SPOCK1: variants seen among roughly 807,000 people sequenced by gnomAD.
SPOCK1 encodes the protein SPARC (osteonectin), cwcv and kazal like domains proteoglycan 1.
Under a neutral mutation model 55.3 loss-of-function variants are expected in SPOCK1, and 23 were observed. The observed-to-expected ratio is 0.42, with a 90% CI of 0.30 to 0.59. The LOEUF is 0.59. Ranked by LOEUF, SPOCK1 falls within the 20% of genes least tolerant of loss-of-function variation. The pLI is 0.22. For missense variants in SPOCK1, 499 were observed against 552.5 expected (o/e 0.90, Z 0.97); for synonymous variants, 226 against 221.0 (o/e 1.02, Z -0.20).
In SPOCK1 at chr5:137,233,713, C is replaced by CTTTTTTTTTTTTTTTTTT. The variant is rs56328555; in HGVS notation, c.232+33279_232+33296dup. 1.9e-4 allele frequency among the ~76,000 whole-genome samples: 11 copies of CTTTTTTTTTTTTTTTTTT among 58,410 alleles called. 1 individual carries two copies. The highest frequency in any genetic ancestry group is 1.2e-3 in the East Asian group (2 of 1,688). 38.3% of individuals were successfully genotyped at this position (58,410 alleles called of 152,430 possible). A position where few individuals can be genotyped will look rare whatever the true frequency, so the allele number is the denominator to read the frequency against. ...TTCATTGTTAGTATGAGGATATGCA[C>CTTTTTTTTTTTTTTTTTT]TTTTTTTTTTTTTTTTTTTTTTTTT... is the stretch of plus-strand genomic sequence containing the variant. On this transcript the variant is annotated intron_variant, in intron 3 of 10. Coordinates refer to ENST00000394945, the MANE Select transcript of SPOCK1 (RefSeq NM_004598.4).
intron 9 of SPOCK1, among the ~76,000 whole-genome samples, chr5:136,982,107 G>C (rs1355786127): frequency 6.6e-6 from 1 of 152,138 alleles, no homozygotes; most frequent in Non-Finnish European, 1.5e-5. Flanking sequence ...GTCTGTGTGA[G>C]TATACTCTAT....
At chr5:137,257,345 G>T (rs1008975463) in intron 3 of SPOCK1, among the ~76,000 whole-genome samples, 1 of 152,210 alleles carries the variant, frequency 6.6e-6, no homozygotes, top group African/African-American at 2.4e-5. Flanking sequence ...GGCATTAGAG[G>T]TAGGGCCTTT....
rs962936965 is a variant in SPOCK1, at chr5:136,978,516, G to A, written c.*138C>T. 1.0e-4 allele frequency: 79 copies of A among 773,742 alleles called. No homozygotes were observed. Among genetic ancestry groups the A allele is most frequent in the Non-Finnish European group, 1.4e-4 (71 of 516,072 alleles). 47.9% of individuals were successfully genotyped at this position (773,742 alleles called of 1,614,324 possible). A position where few individuals can be genotyped will look rare whatever the true frequency, so the allele number is the denominator to read the frequency against. Reference sequence around the variant, plus strand: ...CAGAATCCTCTGGGAACAAGCAGTTGTCTTCCAAACCTTAGGTCGGGTATA... The same window carrying A: ...CAGAATCCTCTGGGAACAAGCAGTTATCTTCCAAACCTTAGGTCGGGTATA... On this transcript the variant is annotated 3_prime_UTR_variant, in exon 11 of 11. Coordinates refer to ENST00000394945, the MANE Select transcript of SPOCK1 (RefSeq NM_004598.4).
intron 5 of SPOCK1, among the ~76,000 whole-genome samples, chr5:137,106,143 G>A (rs1314111638): frequency 2.0e-5 from 3 of 149,040 alleles, no homozygotes; most frequent in South Asian, 2.1e-4. Flanking sequence ...ACCAGAGCCA[G>A]GACCTGGAGC....
At chr5:137,099,908 C>T (rs527576273) in intron 5 of SPOCK1, among the ~76,000 whole-genome samples, 16 of 152,282 alleles carry the variant, frequency 1.1e-4, no homozygotes, top group African/African-American at 3.4e-4. Flanking sequence ...CTCCCCACCC[C>T]CCGGAGTCAT....
intron 2 of SPOCK1, among the ~76,000 whole-genome samples, chr5:137,440,183 T>C (rs1297806454): frequency 1.3e-5 from 2 of 151,668 alleles, no homozygotes; most frequent in Non-Finnish European, 2.9e-5. Context: ...TAAAAGAACA[T>C]CTGGAAAGAA....
Position 137,314,677 on chromosome 5 carries a change from T to C in SPOCK1, c.187-47622A>G, listed in dbSNP as rs146505756. The stretch of plus-strand genomic sequence containing the variant: ...ATTGTTTATCCACAGCTACAGTCCT[T>C]AGCTATCGGTTTACTGCCTGGCTCT... On this transcript the variant is annotated intron_variant, in intron 2 of 10. Coordinates refer to ENST00000394945, the MANE Select transcript of SPOCK1 (RefSeq NM_004598.4). Among the ~76,000 whole-genome samples the C allele has an allele frequency of 1.1e-3, 174 of 152,284 alleles. 4 individuals are homozygous for C. The Middle Eastern group carries it at 0.014, about 12-fold the overall frequency.
At chr5:137,419,727 T>G (rs1425416123) in intron 2 of SPOCK1, among the ~76,000 whole-genome samples, 2 of 152,326 alleles carry the variant, frequency 1.3e-5, no homozygotes, top group East Asian at 3.9e-4. Flanking sequence ...TTTCTAGATA[T>G]ACAATCATGT....
chr5:137,108,043 G>A (rs146800876), intron 5 of SPOCK1, among the ~76,000 whole-genome samples: 234 of 152,166 alleles, frequency 1.5e-3, no homozygotes, highest in African/African-American at 5.3e-3. Context: ...TCCTGACACC[G>A]ATGATCCAAA....
intron 3 of SPOCK1, among the ~76,000 whole-genome samples, chr5:137,177,198 G>T (rs760256937): frequency 8.5e-5 from 13 of 152,292 alleles, no homozygotes; most frequent in Non-Finnish European, 1.5e-4. Flanking sequence ...TTTTTTCTTA[G>T]TAGCTGCAGA....
chr5:137,032,931 T>C (rs1056560196), intron 6 of SPOCK1, among the ~76,000 whole-genome samples: 1 of 152,148 alleles, frequency 6.6e-6, no homozygotes, highest in Non-Finnish European at 1.5e-5. Flanking sequence ...AAGGGATTCT[T>C]CTGTTCCTGT....
At chr5:137,463,991 T>C (rs1287607349) in intron 2 of SPOCK1, among the ~76,000 whole-genome samples, 1 of 151,970 alleles carries the variant, frequency 6.6e-6, no homozygotes, top group Non-Finnish European at 1.5e-5. Flanking sequence ...GGATTGTTTG[T>C]AACACAAAGG....
At chr5:137,466,740 T>C (rs1490785208) in intron 2 of SPOCK1, among the ~76,000 whole-genome samples, 1 of 152,250 alleles carries the variant, frequency 6.6e-6, no homozygotes, top group African/African-American at 2.4e-5. Flanking sequence ...ATGAGCATCA[T>C]TTGTAGCTAA....
In SPOCK1 at chr5:137,432,560, C is replaced by G. The variant is rs1468679813; in HGVS notation, c.186+65813G>C. Reference sequence around the variant, plus strand: ...ACTTATGTGAGGCACCTAGAGTAGTCAAACTATTCACAGAGACAGCAAGTA... The same window carrying G: ...ACTTATGTGAGGCACCTAGAGTAGTGAAACTATTCACAGAGACAGCAAGTA... On this transcript the variant is annotated intron_variant, in intron 2 of 10. Transcript: ENST00000394945. Among the ~76,000 whole-genome samples the G allele has an allele frequency of 3.3e-5, 5 of 152,120 alleles. No homozygotes were observed. The South Asian group carries it at 1.0e-3, about 32-fold the overall frequency.
intron 3 of SPOCK1, among the ~76,000 whole-genome samples, chr5:137,200,978 T>C (rs1379791556): frequency 6.6e-6 from 1 of 152,208 alleles, no homozygotes; most frequent in Non-Finnish European, 1.5e-5. Context: ...CAAGCCCCAC[T>C]CTGTTTTACA....
intron 5 of SPOCK1, among the ~76,000 whole-genome samples, chr5:137,071,799 A>G (rs1752619675): frequency 6.6e-6 from 1 of 152,080 alleles, no homozygotes; most frequent in Non-Finnish European, 1.5e-5. Context: ...TACCCTCCCA[A>G]TCACTTTCCC....
chr5:137,359,330 T>C (rs1010275944), intron 2 of SPOCK1, among the ~76,000 whole-genome samples: 2 of 152,190 alleles, frequency 1.3e-5, no homozygotes, highest in Non-Finnish European at 2.9e-5. Context: ...GTGAGCAAGA[T>C]ACAAGGCATT....
At chr5:137,231,395 T>C (rs771993327) in intron 3 of SPOCK1, among the ~76,000 whole-genome samples, 17 of 152,182 alleles carry the variant, frequency 1.1e-4, no homozygotes, top group Admixed American at 1.1e-3. Flanking sequence ...CCCTGCCCCC[T>C]TGTTCCCCTA....
At chr5:137,272,135 C>A (rs1473622988) in intron 2 of SPOCK1, among the ~76,000 whole-genome samples, 1 of 151,996 alleles carries the variant, frequency 6.6e-6, no homozygotes, top group Non-Finnish European at 1.5e-5. Context: ...GTTTGTAGAT[C>A]CCAGATGGAG....
Sources: allele counts gnomAD v4.1 joint callset (sites outside exome capture counted in the v4.1 genomes callset), GRCh38; gene constraint gnomAD v4.1.1; transcripts MANE v1.5; gene names NCBI Gene and HGNC (gene_info 2026-07-23, HGNC 2026-07-21).